Variants in RAB18 observed in about 807,000 individuals in gnomAD.
The protein encoded by RAB18 is ras-related protein Rab-18.
In RAB18, 10 loss-of-function variants were observed where a neutral mutation model predicts 28.5. The observed-to-expected ratio is 0.35, with a 90% CI of 0.22 to 0.60. The LOEUF (loss-of-function observed/expected upper bound fraction) is 0.60. Among genes scored for constraint, RAB18 ranks in the 20% least tolerant of loss-of-function variants. The pLI is 0.78. For synonymous variants in RAB18, 93 were observed against 86.9 expected (o/e 1.07, Z -0.39); for missense variants, 188 against 244.2 (o/e 0.77, Z 1.53).
intron 1 of RAB18, among the ~76,000 whole-genome samples, chr10:27,506,487 G>C (rs1403095807): frequency 1.3e-5 from 2 of 152,008 alleles, no homozygotes; most frequent in Admixed American, 1.3e-4. Flanking sequence ...TGTCTGACTA[G>C]TGTTTTTTTA....
At chr10:27,522,189 C>T (rs1334518009) in intron 2 of RAB18, among the ~76,000 whole-genome samples, 1 of 152,114 alleles carries the variant, frequency 6.6e-6, no homozygotes, top group Non-Finnish European at 1.5e-5. Flanking sequence ...GGTTGTAACA[C>T]TATTTTTCCA....
chr10:27,521,265 G>A (rs997584548), intron 2 of RAB18, among the ~76,000 whole-genome samples: 10 of 150,108 alleles, frequency 6.7e-5, no homozygotes, highest in South Asian at 2.1e-4. Flanking sequence ...GTTGTTATAC[G>A]GAGTATTCTG....
chr10:27,526,742 G>T, intron 2 of RAB18, 86 bp from the exon 3 acceptor site: 2 of 1,559,938 alleles, frequency 1.3e-6, no homozygotes, highest in South Asian at 1.2e-5. Flanking sequence ...TGATAATAGT[G>T]ACTTTTCTGT....
intron 6 of RAB18, among the ~76,000 whole-genome samples, chr10:27,535,501 G>T (rs1834875975): frequency 6.6e-6 from 1 of 152,202 alleles, no homozygotes; most frequent in Non-Finnish European, 1.5e-5. Flanking sequence ...GGAGAAGGCA[G>T]ATGGTGAGAG....
Position 27,541,503 on chromosome 10 carries a change from A to T in RAB18, c.*3452A>T. ...CTGATTGTGGTATAAAGTTTGCTTA[A>T]GTGCCCCTTAGTTAAAGCTGTTCAA... On this transcript the variant is annotated 3_prime_UTR_variant, in exon 7 of 7. Transcript: ENST00000356940. 1 of 453,992 alleles carries T rather than the reference A, an allele frequency of 2.2e-6. No homozygotes were observed. Among genetic ancestry groups the T allele is most frequent in the Non-Finnish European group, 4.4e-6 (1 of 226,766 alleles). 28.1% of individuals were successfully genotyped at this position (453,992 alleles called of 1,614,324 possible). A position where few individuals can be genotyped will look rare whatever the true frequency, so the allele number is the denominator to read the frequency against.
Position 27,541,491 on chromosome 10 carries a change from A to G in RAB18, c.*3440A>G, listed in dbSNP as rs1431262312. On this transcript the variant is annotated 3_prime_UTR_variant, in exon 7 of 7. Transcript: ENST00000356940. The stretch of plus-strand genomic sequence containing the variant: ...TCAGTCATGTTTCTGATTGTGGTAT[A>G]AAGTTTGCTTAAGTGCCCCTTAGTT... 2 of 453,896 alleles carry G rather than the reference A, an allele frequency of 4.4e-6. No homozygotes were observed. The highest frequency in any genetic ancestry group is 1.4e-4 in the East Asian group (2 of 14,366). 28.1% of individuals were successfully genotyped at this position (453,896 alleles called of 1,614,324 possible).
chr10:27,521,900 G>T (rs553023322), intron 2 of RAB18, among the ~76,000 whole-genome samples: 5 of 152,108 alleles, frequency 3.3e-5, no homozygotes, highest in Middle Eastern at 3.4e-3. Flanking sequence ...AAACAAGAGG[G>T]TGATGTGCTC....
At chr10:27,523,509 T>A (rs1371501088) in intron 2 of RAB18, among the ~76,000 whole-genome samples, 1 of 152,092 alleles carries the variant, frequency 6.6e-6, no homozygotes, top group Non-Finnish European at 1.5e-5. Flanking sequence ...GGGTAGTTTC[T>A]GTTGCTGTGT....
chr10:27,515,833 CCTT>C (rs1299057032), intron 2 of RAB18, among the ~76,000 whole-genome samples: 1 of 152,138 alleles, frequency 6.6e-6, no homozygotes. Context: ...GATCCTCCTT[CCTT>C]CTTTATCATT....
Position 27,504,338 on chromosome 10 carries a change from G to GC in RAB18, c.-30dup. On this transcript the variant is annotated 5_prime_UTR_variant, in exon 1 of 7. Coordinates refer to ENST00000356940, the MANE Select transcript of RAB18 (RefSeq NM_021252.5). ...AAGGGCTGAGAGGCGCACCCGGGCGGCCAGCTGGGCTCGGAGCGGAACGGG... is the reference window on the plus strand; with the variant it reads ...AAGGGCTGAGAGGCGCACCCGGGCGGCCCAGCTGGGCTCGGAGCGGAACGGG... 1 of 1,562,252 alleles carries GC rather than the reference G, an allele frequency of 6.4e-7. No homozygotes were observed. Among genetic ancestry groups the GC allele is most frequent in the African/African-American group, 1.3e-5 (1 of 74,300 alleles).
At chr10:27,513,032 ATTTTTT>A (rs1554899531) in intron 2 of RAB18, among the ~76,000 whole-genome samples, 3 of 142,578 alleles carry the variant, frequency 2.1e-5, no homozygotes, top group African/African-American at 5.2e-5. Flanking sequence ...ATATATATAT[ATTTTTT>A]TTTTTTTTTT....
chr10:27,514,814 G>A (rs906962285), intron 2 of RAB18, among the ~76,000 whole-genome samples: 26 of 151,648 alleles, frequency 1.7e-4, no homozygotes, highest in South Asian at 1.0e-3. Flanking sequence ...TCTGTCGCCA[G>A]GTTGGAATGC....
chr10:27,517,011 TAAAC>T (rs1410995691), intron 2 of RAB18, among the ~76,000 whole-genome samples: 2 of 152,106 alleles, frequency 1.3e-5, no homozygotes, highest in African/African-American at 4.8e-5. Context: ...ATAACAGTCA[TAAAC>T]AAGTAGGCAC....
intron 3 of RAB18, among the ~76,000 whole-genome samples, chr10:27,529,526 T>C (rs2132402066): frequency 6.6e-6 from 1 of 152,088 alleles, no homozygotes; most frequent in East Asian, 1.9e-4. Flanking sequence ...TGTTTTCTTC[T>C]ACTGCCTTTT....
At position 27,511,087 on chromosome 10, in the gene RAB18, T is replaced by C. The variant is rs1834314066; in HGVS notation, c.124+1157T>C. Among the ~76,000 whole-genome samples the C allele has an allele frequency of 2.6e-5, 4 of 152,098 alleles. No homozygotes were observed. In the South Asian group the frequency reaches 8.3e-4, roughly 32 times the overall value. On this transcript the variant is annotated intron_variant, in intron 2 of 6. Transcript: ENST00000356940. ...ATACATTTTATTGTCTATACACAGA[T>C]TTTATCAGTTGTCCCATTAATGTCC...
At chr10:27,510,714 T>G (rs1259510556) in intron 2 of RAB18, among the ~76,000 whole-genome samples, 2 of 152,296 alleles carry the variant, frequency 1.3e-5, no homozygotes, top group South Asian at 4.1e-4. Context: ...TTGGGAGGTT[T>G]TGTTAAAATT....
At chr10:27,518,957 C>CT (rs994366839) in intron 2 of RAB18, among the ~76,000 whole-genome samples, 2 of 149,476 alleles carry the variant, frequency 1.3e-5, no homozygotes, top group South Asian at 2.1e-4. Flanking sequence ...GTATGAAGTT[C>CT]TTTTTTTTCC....
intron 2 of RAB18, among the ~76,000 whole-genome samples, chr10:27,520,873 C>A: frequency 7.7e-6 from 1 of 129,994 alleles, no homozygotes; most frequent in African/African-American, 3.0e-5. Flanking sequence ...GCCGGTATCG[C>A]ACCACTGCAC....
At chr10:27,519,647 A>G (rs1220841949) in intron 2 of RAB18, among the ~76,000 whole-genome samples, 1 of 152,166 alleles carries the variant, frequency 6.6e-6, no homozygotes, top group African/African-American at 2.4e-5. Flanking sequence ...ACTGAAAATT[A>G]CAAAATACTT....
Sources: gnomAD v4.1 joint callset for allele counts (sites outside exome capture counted in the v4.1 genomes callset) on GRCh38, gnomAD v4.1.1 for gene constraint, MANE v1.5 for transcripts, NCBI Gene and HGNC (gene_info 2026-07-23, HGNC 2026-07-21) for gene names.